Variants in HNF4G observed in about 807,000 individuals in gnomAD.
HNF4G encodes hepatocyte nuclear factor 4 gamma.
HNF4G carries 21 observed loss-of-function variants against 50.9 expected under a neutral mutation model. The ratio of observed to expected loss-of-function variants is 0.41; its 90% CI spans 0.29 to 0.59. The LOEUF is 0.59. Ranked by LOEUF, HNF4G falls within the 20% of genes least tolerant of loss-of-function variation. The pLI is 0.26. For synonymous variants in HNF4G, 198 were observed against 185.6 expected, an observed-to-expected ratio of 1.07 and a Z score of -0.54; for missense variants, 527 against 559.4, an observed-to-expected ratio of 0.94 and a Z score of 0.58.
chr8:75,515,978 G>A (rs773211693), intron 2 of HNF4G, among the ~76,000 whole-genome samples: 2 of 152,080 alleles, frequency 1.3e-5, no homozygotes, highest in Non-Finnish European at 2.9e-5. Context: ...TGGTCAGGCT[G>A]GTCTCGAACT....
intron 1 of HNF4G, among the ~76,000 whole-genome samples, chr8:75,442,278 C>G (rs1273415920): frequency 6.6e-6 from 1 of 151,962 alleles, no homozygotes; most frequent in Non-Finnish European, 1.5e-5. Context: ...GCCTGGGTAT[C>G]GGGTATATGG....
Position 75,564,003 on chromosome 8 carries a change from A to G in HNF4G, c.1275A>G (p.Pro425=). The stretch of plus-strand genomic sequence containing the variant: ...CTCCTGAAACCCCACTCCCTTCCCC[A>G]CCACAAGGCTCTGGGCAAGAACAGT... The part of the protein sequence containing the change: ...ISTPETPLPS[P]PQGSGQEQYK... Residue 425 remains proline (P), a synonymous_variant, in exon 10 of 10, where the codon CCA becomes CCG. Transcript: ENST00000396423. 6.2e-7 allele frequency: 1 copy of G among 1,613,584 alleles called. No homozygotes were observed. Among genetic ancestry groups the G allele is most frequent in the East Asian group, 2.2e-5 (1 of 44,860 alleles).
At chr8:75,521,080 A>G (rs1806026673) in intron 2 of HNF4G, among the ~76,000 whole-genome samples, 1 of 152,172 alleles carries the variant, frequency 6.6e-6, no homozygotes, top group African/African-American at 2.4e-5. Flanking sequence ...TCAAGTGGAT[A>G]TATTTTATAC....
intron 2 of HNF4G, among the ~76,000 whole-genome samples, chr8:75,526,236 T>G (rs1806177581): frequency 6.6e-6 from 1 of 151,482 alleles, no homozygotes; most frequent in East Asian, 2.0e-4. Context: ...TCAATCGATC[T>G]TCTCACCTCA....
chr8:75,524,843 G>A (rs1006148771), intron 2 of HNF4G, among the ~76,000 whole-genome samples: 6 of 152,172 alleles, frequency 3.9e-5, no homozygotes, highest in Non-Finnish European at 5.9e-5. Flanking sequence ...ATAAGTGTGC[G>A]TATATAGTAT....
chr8:75,417,902 T>G (rs1810679989), intron 1 of HNF4G, among the ~76,000 whole-genome samples: 1 of 152,140 alleles, frequency 6.6e-6, no homozygotes, highest in South Asian at 2.1e-4. Flanking sequence ...TATTAATTTT[T>G]ATCTAGTTTT....
intron 1 of HNF4G, among the ~76,000 whole-genome samples, chr8:75,421,386 A>G (rs1282809694): frequency 1.3e-5 from 2 of 152,186 alleles, no homozygotes; most frequent in African/African-American, 4.8e-5. Context: ...TTTTTATTCA[A>G]TTTTGTGACA....
At chr8:75,491,766 G>A (rs1376223778) in intron 2 of HNF4G, among the ~76,000 whole-genome samples, 2 of 152,142 alleles carry the variant, frequency 1.3e-5, no homozygotes, top group Admixed American at 6.5e-5. Context: ...GTGAGCCACC[G>A]CGTCAGGCCA....
intron 2 of HNF4G, among the ~76,000 whole-genome samples, chr8:75,520,399 A>T (rs960854162): frequency 2.9e-4 from 44 of 151,280 alleles, no homozygotes; most frequent in African/African-American, 1.0e-3. Flanking sequence ...TTAAATTATG[A>T]TTTTACTTTC....
At chr8:75,537,840 A>G (rs1424075358), upstream of HNF4G, among the ~76,000 whole-genome samples, 2 of 151,322 alleles carry the variant, frequency 1.3e-5, no homozygotes, top group Admixed American at 6.6e-5. Context: ...AGTAGCATCC[A>G]TATCCCCCTA....
intron 1 of HNF4G, among the ~76,000 whole-genome samples, chr8:75,430,613 C>T (rs1810992349): frequency 6.6e-6 from 1 of 152,042 alleles, no homozygotes; most frequent in South Asian, 2.1e-4. Flanking sequence ...TAACTTCTCC[C>T]TTATGTAAGC....
chr8:75,543,708 G>A (rs1001162822), intron 1 of HNF4G, 103 bp from the exon 2 acceptor site: 2 of 945,560 alleles, frequency 2.1e-6, no homozygotes, highest in Non-Finnish European at 3.1e-6. Flanking sequence ...GGGTCTCCAA[G>A]AAGCCAATGA....
Position 75,543,991 on chromosome 8 carries a change from G to A in HNF4G, c.287+12G>A, listed in dbSNP as rs777023150. On this transcript the variant is annotated intron_variant, in intron 2 of 9. Coordinates refer to ENST00000396423, the MANE Select transcript of HNF4G (RefSeq NM_004133.5). ...GTTTATTCTTGCAGGTACTTTAAAT[G>A]CCCTTTTAGGCAAGTTATCTTTACA... 2 of 1,555,394 alleles carry A rather than the reference G, an allele frequency of 1.3e-6. No individual in the cohort carries two copies.
intron 1 of HNF4G, among the ~76,000 whole-genome samples, chr8:75,467,181 C>A (rs1812008608): frequency 6.6e-6 from 1 of 152,118 alleles, no homozygotes; most frequent in Admixed American, 6.6e-5. Context: ...TCACATATGT[C>A]CCTGAGACAG....
At chr8:75,509,524 TC>T (rs1805694184) in intron 2 of HNF4G, among the ~76,000 whole-genome samples, 1 of 152,194 alleles carries the variant, frequency 6.6e-6, no homozygotes, top group South Asian at 2.1e-4. Flanking sequence ...CATTTGGAAA[TC>T]GTAGCAAAGT....
chr8:75,411,743 G>T (rs763697620), intron 1 of HNF4G, among the ~76,000 whole-genome samples: 1 of 152,188 alleles, frequency 6.6e-6, no homozygotes, highest in Admixed American at 6.5e-5. Context: ...AGGCCTCGTT[G>T]TCAGATGGCA....
chr8:75,450,767 G>A (rs1811565225), intron 1 of HNF4G, among the ~76,000 whole-genome samples: 1 of 152,130 alleles, frequency 6.6e-6, no homozygotes, highest in Admixed American at 6.5e-5. Context: ...TTGAGAAATG[G>A]GAACTTTTAG....
intron 1 of HNF4G, among the ~76,000 whole-genome samples, chr8:75,470,258 A>T (rs1304963558): frequency 6.6e-6 from 1 of 152,238 alleles, no homozygotes; most frequent in Non-Finnish European, 1.5e-5. Flanking sequence ...ACATTTGATT[A>T]TAAAAGCATT....
chr8:75,513,032 A>G (rs1805797975), intron 2 of HNF4G, among the ~76,000 whole-genome samples: 1 of 152,010 alleles, frequency 6.6e-6, no homozygotes, highest in Admixed American at 6.6e-5. Flanking sequence ...ATGAACTGAT[A>G]GAGTTTTTCT....
Sources: gnomAD v4.1 joint callset for allele counts (sites outside exome capture counted in the v4.1 genomes callset) on GRCh38, gnomAD v4.1.1 for gene constraint, MANE v1.5 for transcripts, NCBI Gene and HGNC (gene_info 2026-07-23, HGNC 2026-07-21) for gene names.